RGS7: variants seen among roughly 807,000 people sequenced by gnomAD.
RGS7 encodes the protein regulator of G-protein signaling 7.
RGS7 carries 27 observed loss-of-function variants against 81.1 expected under a neutral mutation model. The ratio of observed to expected loss-of-function variants is 0.33; its 90% CI spans 0.25 to 0.46. The LOEUF is 0.46. Ranked by LOEUF, RGS7 falls within the 20% of genes least tolerant of loss-of-function variation. The pLI is 1.00. For missense variants in RGS7, 396 were observed against 607.4 expected, an observed-to-expected ratio of 0.65 and a Z score of 3.66; for synonymous variants, 208 against 207.7, an observed-to-expected ratio of 1.00 and a Z score of -0.01.
At chr1:241,153,387 T>C (rs553108249) in intron 2 of RGS7, among the ~76,000 whole-genome samples, 1 of 152,096 alleles carries the variant, frequency 6.6e-6, no homozygotes, top group Admixed American at 6.5e-5. Context: ...AATCATATTA[T>C]AACACATATT....
At chr1:241,338,600 T>A (rs540678546) in intron 2 of RGS7, among the ~76,000 whole-genome samples, 26 of 152,218 alleles carry the variant, frequency 1.7e-4, no homozygotes, top group Non-Finnish European at 3.2e-4. Context: ...TTCTTTGACA[T>A]GGGCAAATGA....
chr1:240,777,307 C>T (rs1683129159), intron 18 of RGS7, among the ~76,000 whole-genome samples: 1 of 151,738 alleles, frequency 6.6e-6, no homozygotes, highest in Admixed American at 6.6e-5. Context: ...AAATTTGAAA[C>T]GTTTGATCGG....
intron 3 of RGS7, among the ~76,000 whole-genome samples, chr1:241,071,306 G>A (rs1216195745): frequency 2.0e-5 from 3 of 152,084 alleles, no homozygotes; most frequent in Non-Finnish European, 4.4e-5. Context: ...TCATGGCAGT[G>A]ATTTAGTAGA....
chr1:241,102,862 C>A (rs975599228), intron 2 of RGS7, among the ~76,000 whole-genome samples: 1 of 152,040 alleles, frequency 6.6e-6, no homozygotes, highest in African/African-American at 2.4e-5. Flanking sequence ...CATAAAAAAA[C>A]ACATGCATCT....
chr1:241,122,090 G>A (rs1181014563), intron 2 of RGS7, among the ~76,000 whole-genome samples: 1 of 152,036 alleles, frequency 6.6e-6, no homozygotes, highest in Non-Finnish European at 1.5e-5. Flanking sequence ...CATTGCTTTT[G>A]TTATGCAAAT....
chr1:241,062,768 T>G (rs534609941), intron 3 of RGS7, among the ~76,000 whole-genome samples: 2 of 152,328 alleles, frequency 1.3e-5, no homozygotes, highest in Admixed American at 6.5e-5. Flanking sequence ...AAATGGCCTC[T>G]TGGATGAAAT....
intron 14 of RGS7, among the ~76,000 whole-genome samples, chr1:240,806,587 T>A (rs1359520447): frequency 6.7e-6 from 1 of 149,770 alleles, no homozygotes; most frequent in East Asian, 1.9e-4. Flanking sequence ...TTAATAAAAA[T>A]ATAAAGAAAC....
At chr1:241,153,119 T>A (rs1192203651) in intron 2 of RGS7, among the ~76,000 whole-genome samples, 1 of 152,196 alleles carries the variant, frequency 6.6e-6, no homozygotes, top group Admixed American at 6.5e-5. Flanking sequence ...TGACTGACAA[T>A]GAATAGTCAT....
chr1:241,253,314 G>A (rs1332404314), intron 2 of RGS7, among the ~76,000 whole-genome samples: 1 of 152,184 alleles, frequency 6.6e-6, no homozygotes, highest in Non-Finnish European at 1.5e-5. Flanking sequence ...AGTGGGGATA[G>A]AAGACTGGTT....
intron 9 of RGS7, among the ~76,000 whole-genome samples, chr1:240,849,568 G>A (rs1173879380): frequency 6.6e-6 from 1 of 152,204 alleles, no homozygotes; most frequent in Admixed American, 6.5e-5. Flanking sequence ...GGTCTGGTGG[G>A]AGGTGTTTGG....
chr1:241,354,361 TG>T (rs1178837995), intron 2 of RGS7, among the ~76,000 whole-genome samples: 2 of 152,228 alleles, frequency 1.3e-5, no homozygotes, highest in Non-Finnish European at 2.9e-5. Context: ...TTTATGCAGT[TG>T]GAATGCTTTA....
chr1:240,846,587 A>G (rs1363671305), intron 9 of RGS7, among the ~76,000 whole-genome samples: 4 of 151,450 alleles, frequency 2.6e-5, no homozygotes, highest in South Asian at 4.2e-4. Context: ...TCCAAATTCT[A>G]TTTTCCCAGA....
rs1671736718 is a variant in RGS7, at chr1:240,911,467, A to T, written c.385+19250T>A. On this transcript the variant is annotated intron_variant, in intron 6 of 18. Coordinates refer to ENST00000440928, the MANE Select transcript of RGS7 (RefSeq NM_001364886.1). ...TTGGGCCCTCTTTTTGTCTTAGTCT[A>T]CATGTCCTCTCTGAATGATCTCATC... Among the ~76,000 whole-genome samples the T allele has an allele frequency of 3.3e-5, 5 of 152,110 alleles. No individual in the cohort carries two copies. The South Asian group carries it at 1.0e-3, about 32-fold the overall frequency.
chr1:240,851,489 T>G (rs2147931592), intron 9 of RGS7, among the ~76,000 whole-genome samples: 1 of 152,356 alleles, frequency 6.6e-6, no homozygotes, highest in African/African-American at 2.4e-5. Flanking sequence ...TTTTCATACC[T>G]GCTAACACAA....
At chr1:241,220,383 C>A (rs2074821589) in intron 2 of RGS7, among the ~76,000 whole-genome samples, 1 of 152,166 alleles carries the variant, frequency 6.6e-6, no homozygotes, top group Admixed American at 6.5e-5. Flanking sequence ...AATTAAATCA[C>A]AATGTCTAGA....
intron 3 of RGS7, among the ~76,000 whole-genome samples, chr1:240,999,767 A>ATT (rs35973386): frequency 0.043 from 6,256 of 144,448 alleles, 174 homozygotes; most frequent in Non-Finnish European, 0.052. Flanking sequence ...CGCTCGGCTA[A>ATT]TTTTTTTTTT....
intron 3 of RGS7, among the ~76,000 whole-genome samples, chr1:240,997,894 C>T (rs1248271962): frequency 2.0e-5 from 3 of 152,156 alleles, no homozygotes; most frequent in Non-Finnish European, 2.9e-5. Flanking sequence ...TTGCTTACCA[C>T]GTTTTGTTCT....
intron 2 of RGS7, among the ~76,000 whole-genome samples, chr1:241,306,271 A>C (rs1260223755): frequency 1.3e-5 from 2 of 150,236 alleles, no homozygotes; most frequent in Non-Finnish European, 3.0e-5. Context: ...CCACACACAT[A>C]CACACACACC....
intron 12 of RGS7, 149 bp downstream of exon 12, chr1:240,814,567 T>C (rs556972441): frequency 3.2e-6 from 2 of 633,142 alleles, no homozygotes; most frequent in African/African-American, 3.7e-5. Context: ...AAAGTTTTTC[T>C]ATGTGCAAAA....
Sources: gnomAD v4.1 joint callset for allele counts (sites outside exome capture counted in the v4.1 genomes callset) on GRCh38, gnomAD v4.1.1 for gene constraint, MANE v1.5 for transcripts, NCBI Gene and HGNC (gene_info 2026-07-23, HGNC 2026-07-21) for gene names.